ASTN2: variants seen among roughly 807,000 people sequenced by gnomAD.
ASTN2 encodes astrotactin-2.
ASTN2 carries 54 observed loss-of-function variants against 139.8 expected under a neutral mutation model. That is an observed-to-expected ratio of 0.39 (90% CI 0.31 to 0.48). The LOEUF (loss-of-function observed/expected upper bound fraction) is 0.48. Ranked by LOEUF, ASTN2 falls within the 20% of genes least tolerant of loss-of-function variation. The pLI is 0.95. For synonymous variants in ASTN2, 756 were observed against 719.5 expected (o/e 1.05, Z -0.81); for missense variants, 1,565 against 1,725.1 (o/e 0.91, Z 1.64).
At chr9:116,467,512 G>A (rs1404424114) in intron 20 of ASTN2, among the ~76,000 whole-genome samples, 6 of 152,186 alleles carry the variant, frequency 3.9e-5, no homozygotes, top group African/African-American at 7.2e-5. Context: ...TGATCCGCCT[G>A]CCTCAGCCTC....
Position 116,425,977 on chromosome 9 carries a change from G to A in ASTN2, c.3894C>T (p.Cys1298=), listed in dbSNP as rs141149695. Residue 1298 remains cysteine, a synonymous_variant, in exon 23 of 23, where the codon TGC becomes TGT. Coordinates refer to ENST00000313400, the MANE Select transcript of ASTN2 (RefSeq NM_001365068.1). Reference sequence around the variant, plus strand: ...CTGCAGGCCGGACCTCCTCGCTGCGGCAGAAAAGATAGGGCACTGTTTCCA... The same window carrying A: ...CTGCAGGCCGGACCTCCTCGCTGCGACAGAAAAGATAGGGCACTGTTTCCA... The part of the protein sequence containing the change: ...SRVETVPYLF[C]RSEEVRPAGM... 24 of 1,614,150 alleles carry A rather than the reference G, an allele frequency of 1.5e-5. No individual in the cohort carries two copies. Among genetic ancestry groups the A allele is most frequent in the Non-Finnish European group, 1.9e-5 (23 of 1,180,030 alleles).
At chr9:116,714,798 G>GATCTAAATGTTTTTCCAGCTATTCCCCT (rs1828268801) in intron 16 of ASTN2, among the ~76,000 whole-genome samples, 4 of 61,886 alleles carry the variant, frequency 6.5e-5, no homozygotes, top group Admixed American at 1.7e-4. Context: ...AATCATGTGA[G>GATCTAAATGTTTTTCCAGCTATTCCCCT]GCCGGGCGCG....
At position 117,394,669 on chromosome 9, in the gene ASTN2, G is replaced by A. The variant is rs145581903; in HGVS notation, c.442+19828C>T. 6.6e-5 allele frequency among the ~76,000 whole-genome samples: 10 copies of A among 152,294 alleles called. No individual in the cohort carries two copies. In the East Asian group the frequency reaches 1.7e-3, roughly 26 times the overall value. ...GGAGAACAAGGTTGTCCCTGACAGA[G>A]GACACAGCTCGAGCAAAGTCACAGA... is the stretch of plus-strand genomic sequence containing the variant. On this transcript the variant is annotated intron_variant, in intron 1 of 22. Transcript: ENST00000313400.
At chr9:116,474,807 G>A (rs1245355160) in intron 20 of ASTN2, among the ~76,000 whole-genome samples, 1 of 152,230 alleles carries the variant, frequency 6.6e-6, no homozygotes, top group Non-Finnish European at 1.5e-5. Context: ...CAAGGCCCCA[G>A]GTGGATGGAC....
intron 1 of ASTN2, among the ~76,000 whole-genome samples, chr9:117,370,570 A>T (rs1829963698): frequency 6.6e-6 from 1 of 152,224 alleles, no homozygotes; most frequent in African/African-American, 2.4e-5. Flanking sequence ...TTTTTAAAGT[A>T]GGTACTATTA....
chr9:116,626,012 C>T (rs144970020), intron 17 of ASTN2, among the ~76,000 whole-genome samples: 1 of 152,148 alleles, frequency 6.6e-6, no homozygotes, highest in Admixed American at 6.5e-5. Context: ...CAGAGTCTCC[C>T]TTTGTTGCCC....
intron 10 of ASTN2, among the ~76,000 whole-genome samples, chr9:116,868,438 A>T (rs968060300): frequency 1.3e-5 from 2 of 152,152 alleles, no homozygotes; most frequent in Non-Finnish European, 2.9e-5. Context: ...CCCTCCTAAC[A>T]GTAAGGCCCG....
intron 4 of ASTN2, among the ~76,000 whole-genome samples, chr9:117,117,490 G>C (rs1199842433): frequency 6.6e-6 from 1 of 151,968 alleles, no homozygotes; most frequent in African/African-American, 2.4e-5. Flanking sequence ...AGTGGGAAGG[G>C]CTCCCCTCAC....
At chr9:117,135,059 C>T (rs187445727) in intron 4 of ASTN2, among the ~76,000 whole-genome samples, 1 of 152,334 alleles carries the variant, frequency 6.6e-6, no homozygotes, top group African/African-American at 2.4e-5. Context: ...CACAGCAGCA[C>T]TGATGACACA....
At chr9:117,280,963 T>C (rs1834310161) in intron 2 of ASTN2, among the ~76,000 whole-genome samples, 1 of 152,224 alleles carries the variant, frequency 6.6e-6, no homozygotes, top group Non-Finnish European at 1.5e-5. Flanking sequence ...TCTGTTTCCC[T>C]CTTTCCTTCT....
intron 10 of ASTN2, among the ~76,000 whole-genome samples, chr9:116,929,726 C>G (rs141837033): frequency 6.6e-6 from 1 of 152,164 alleles, no homozygotes; most frequent in African/African-American, 2.4e-5. Context: ...ATTATTAATT[C>G]GCTCCAGCAA....
chr9:116,548,633 C>T (rs1328350281), intron 19 of ASTN2, among the ~76,000 whole-genome samples: 1 of 152,042 alleles, frequency 6.6e-6, no homozygotes, highest in Non-Finnish European at 1.5e-5. Context: ...CCACTATGCT[C>T]GGCTAATTTT....
chr9:116,802,387 T>C (rs1039547499), intron 13 of ASTN2, among the ~76,000 whole-genome samples: 1 of 152,122 alleles, frequency 6.6e-6, no homozygotes, highest in Non-Finnish European at 1.5e-5. Flanking sequence ...CAACCAGCGG[T>C]GCCATGCTCT....
intron 1 of ASTN2, among the ~76,000 whole-genome samples, chr9:117,399,022 G>A (rs1696386769): frequency 6.6e-6 from 1 of 152,116 alleles, no homozygotes; most frequent in African/African-American, 2.4e-5. Context: ...AACACCTTGT[G>A]ATCTGCCCAC....
At chr9:117,367,365 A>G (rs1010340515) in intron 1 of ASTN2, among the ~76,000 whole-genome samples, 19 of 152,306 alleles carry the variant, frequency 1.2e-4, no homozygotes, top group Non-Finnish European at 1.9e-4. Context: ...ATGGAGCAAC[A>G]GCCAGACCTG....
intron 21 of ASTN2, 82 bp from the exon 22 acceptor site, chr9:116,440,874 C>G: frequency 7.2e-7 from 1 of 1,397,058 alleles, no homozygotes; most frequent in Non-Finnish European, 9.8e-7. Flanking sequence ...ATAAGAAAGG[C>G]ACAGTGGTGA....
At chr9:117,236,841 C>G (rs948768004) in intron 2 of ASTN2, among the ~76,000 whole-genome samples, 1 of 152,146 alleles carries the variant, frequency 6.6e-6, no homozygotes, top group Non-Finnish European at 1.5e-5. Flanking sequence ...TAATATATGT[C>G]AAGTCCTAGT....
chr9:116,437,350 G>A (rs2118856551), intron 22 of ASTN2: 2 of 471,344 alleles, frequency 4.2e-6, no homozygotes, highest in Non-Finnish European at 8.8e-6. Flanking sequence ...GATTCCTGCT[G>A]ACATATCAGT....
chr9:117,321,052 A>T (rs1490394109), intron 1 of ASTN2, among the ~76,000 whole-genome samples: 2 of 152,184 alleles, frequency 1.3e-5, no homozygotes, highest in Non-Finnish European at 2.9e-5. Context: ...AATGTGCCCC[A>T]TCAGTTTTTT....
Sources: allele counts gnomAD v4.1 joint callset (sites outside exome capture counted in the v4.1 genomes callset), GRCh38; gene constraint gnomAD v4.1.1; transcripts MANE v1.5; gene names NCBI Gene and HGNC (gene_info 2026-07-23, HGNC 2026-07-21).